The following IL1RAPL2 variants were observed in gnomAD, a reference collection of about 807,000 sequenced individuals.
IL1RAPL2 encodes interleukin 1 receptor accessory protein like 2.
A neutral mutation model predicts 44.1 loss-of-function variants in IL1RAPL2; 3 were observed. The observed-to-expected ratio is 0.07, with a 90% CI of 0.03 to 0.18. IL1RAPL2 has a LOEUF of 0.18. IL1RAPL2 is among the 10% of genes least tolerant of loss of function. The probability of loss-of-function intolerance (pLI) is 1.00; values close to 1 mark genes in which losing one functional copy is unlikely to be tolerated. For synonymous variants in IL1RAPL2, 181 were observed against 178.8 expected, an observed-to-expected ratio of 1.01 and a Z score of -0.10; for missense variants, 391 against 496.4, an observed-to-expected ratio of 0.79 and a Z score of 2.02.
Position 104,936,671 on chromosome X carries a change from A to G in IL1RAPL2, c.83-258804A>G, listed in dbSNP as rs185864587. 3.9e-3 allele frequency among the ~76,000 whole-genome samples: 376 copies of G among 96,153 alleles called. 4 individuals carry two copies. The highest frequency in any genetic ancestry group is 0.015 in the African/African-American group (356 of 24,152). 83.5% of individuals were successfully genotyped at this position (96,153 alleles called of 115,157 possible). ...GGAGTCTCGCTCAGTTGCCCAGGCTAGAGTGCAATGGCGCGATCTCGGCTC... is the reference window on the plus strand; with the variant it reads ...GGAGTCTCGCTCAGTTGCCCAGGCTGGAGTGCAATGGCGCGATCTCGGCTC... On this transcript the variant is annotated intron_variant, in intron 2 of 10. Coordinates refer to ENST00000372582, the MANE Select transcript of IL1RAPL2 (RefSeq NM_017416.2).
At chrX:105,699,892 T>C (rs2038105773) in intron 6 of IL1RAPL2, among the ~76,000 whole-genome samples, 1 of 112,002 alleles carries the variant, frequency 8.9e-6, no homozygotes, top group Admixed American at 9.5e-5. Context: ...GAACAGATTC[T>C]TAGCCATCAA....
chrX:104,584,847 AG>A (rs1246519559), intron 1 of IL1RAPL2, among the ~76,000 whole-genome samples: 1 of 110,855 alleles, frequency 9.0e-6, no homozygotes, highest in Non-Finnish European at 1.9e-5. Context: ...TCTAACTGAA[AG>A]TTGTTATGCC....
intron 5 of IL1RAPL2, among the ~76,000 whole-genome samples, chrX:105,292,681 A>G (rs769222387): frequency 1.2e-4 from 13 of 111,899 alleles, no homozygotes; most frequent in African/African-American, 4.2e-4. Flanking sequence ...ATGTTATGTA[A>G]TAAAATCATA....
chrX:104,905,343 A>G (rs1037172364), intron 2 of IL1RAPL2, among the ~76,000 whole-genome samples: 2 of 110,988 alleles, frequency 1.8e-5, no homozygotes, highest in Admixed American at 1.9e-4. Context: ...TTTTGTTGTC[A>G]TTGCTTTTGG....
chrX:105,726,942 C>T (rs1038969798), intron 7 of IL1RAPL2, among the ~76,000 whole-genome samples: 1 of 111,302 alleles, frequency 9.0e-6, no homozygotes, highest in East Asian at 2.8e-4. Context: ...TTTTGTCAGA[C>T]TCTGGGCATG....
chrX:105,279,633 C>A lies in IL1RAPL2; in HGVS notation c.697+12092C>A, dbSNP rs1458132857. 2.7e-5 allele frequency among the ~76,000 whole-genome samples: 3 copies of A among 111,064 alleles called. No homozygotes were observed. In the Admixed American group the frequency reaches 2.9e-4, roughly 11 times the overall value. ...TAGCTGGGACTACAGGCGTGCACCA[C>A]CATGCCCAGCTAATTTTTGTATTTT... On this transcript the variant is annotated intron_variant, in intron 5 of 10. Coordinates refer to ENST00000372582, the MANE Select transcript of IL1RAPL2 (RefSeq NM_017416.2).
chrX:104,587,537 T>C (rs191870797), intron 1 of IL1RAPL2, among the ~76,000 whole-genome samples: 63 of 112,246 alleles, frequency 5.6e-4, no homozygotes, highest in Non-Finnish European at 8.3e-4. Context: ...AACACTGCTA[T>C]AGAGGAATCG....
intron 2 of IL1RAPL2, among the ~76,000 whole-genome samples, chrX:104,799,263 C>A (rs762944343): frequency 3.6e-5 from 4 of 111,544 alleles, no homozygotes; most frequent in Non-Finnish European, 5.6e-5. Flanking sequence ...ATTAGCCTTC[C>A]TCCAACCAGA....
At chrX:104,737,328 T>A (rs1204826098) in intron 2 of IL1RAPL2, among the ~76,000 whole-genome samples, 1 of 112,531 alleles carries the variant, frequency 8.9e-6, no homozygotes, top group Non-Finnish European at 1.9e-5. Flanking sequence ...AATGCAGAAC[T>A]GCTTTGTAGA....
chrX:104,648,662 C>A (rs1930092882), intron 1 of IL1RAPL2, among the ~76,000 whole-genome samples: 1 of 111,643 alleles, frequency 9.0e-6, no homozygotes, highest in Non-Finnish European at 1.9e-5. Context: ...ATACCTACTA[C>A]TTCTAGGTTT....
chrX:105,484,071 C>A (rs1233504872), intron 5 of IL1RAPL2, among the ~76,000 whole-genome samples: 1 of 111,268 alleles, frequency 9.0e-6, no homozygotes, highest in Non-Finnish European at 1.9e-5. Flanking sequence ...TTTGTTTCAT[C>A]TTGTTGGAAA....
chrX:104,807,985 T>A (rs1392409313), intron 2 of IL1RAPL2, among the ~76,000 whole-genome samples: 5 of 112,154 alleles, frequency 4.5e-5, no homozygotes, highest in Non-Finnish European at 9.4e-5. Flanking sequence ...GAACTCATGG[T>A]ATTAACTGCT....
intron 5 of IL1RAPL2, among the ~76,000 whole-genome samples, chrX:105,348,528 A>G (rs2035128266): frequency 1.8e-5 from 2 of 111,752 alleles, no homozygotes; most frequent in Non-Finnish European, 3.8e-5. Context: ...CTATTCTCAT[A>G]AAGACTCCCA....
rs572648343 is a variant in IL1RAPL2 at position 105,738,064 on chromosome X, C to T, written c.903-2482C>T. Reference sequence around the variant, plus strand: ...GACTCAGATTTTAGAAACTCCATTCCACCAACCCAACTTTAAGCCCTTCCT... The same window carrying T: ...GACTCAGATTTTAGAAACTCCATTCTACCAACCCAACTTTAAGCCCTTCCT... On this transcript the variant is annotated intron_variant, in intron 7 of 10. Transcript: ENST00000372582. 9.9e-5 allele frequency among the ~76,000 whole-genome samples: 11 copies of T among 111,408 alleles called. No individual in the cohort carries two copies. In the South Asian group the frequency reaches 2.6e-3, roughly 27 times the overall value.
chrX:104,918,506 C>T (rs1181092493), intron 2 of IL1RAPL2, among the ~76,000 whole-genome samples: 1 of 112,157 alleles, frequency 8.9e-6, no homozygotes, highest in East Asian at 2.8e-4. Context: ...ATATTTAATA[C>T]ATTTATTTAA....
At chrX:105,343,255 G>A (rs2147700588) in intron 5 of IL1RAPL2, among the ~76,000 whole-genome samples, 1 of 111,924 alleles carries the variant, frequency 8.9e-6, no homozygotes, top group Admixed American at 9.5e-5. Context: ...TTTATTTTAT[G>A]TCTTTTAAAT....
intron 1 of IL1RAPL2, among the ~76,000 whole-genome samples, chrX:104,580,596 CTT>C (rs1928327281): frequency 8.9e-6 from 1 of 111,757 alleles, no homozygotes; most frequent in African/African-American, 3.3e-5. Context: ...GGGTTTAACT[CTT>C]TTGGAGGCTG....
At chrX:105,442,310 C>T (rs1169026271) in intron 5 of IL1RAPL2, among the ~76,000 whole-genome samples, 1 of 110,526 alleles carries the variant, frequency 9.0e-6, no homozygotes, top group Non-Finnish European at 1.9e-5. Context: ...GTGATCCACC[C>T]GCCTCAGCCT....
At chrX:105,461,905 T>G (rs1294308344) in intron 5 of IL1RAPL2, among the ~76,000 whole-genome samples, 2 of 111,010 alleles carry the variant, frequency 1.8e-5, no homozygotes, top group East Asian at 5.7e-4. Flanking sequence ...TGTATGTGTG[T>G]GGGGGCATAT....
Sources: gnomAD v4.1 joint callset for allele counts (sites outside exome capture counted in the v4.1 genomes callset) on GRCh38, gnomAD v4.1.1 for gene constraint, MANE v1.5 for transcripts, NCBI Gene and HGNC (gene_info 2026-07-23, HGNC 2026-07-21) for gene names.